UBE4B: variants seen among roughly 807,000 people sequenced by gnomAD.
UBE4B encodes ubiquitination factor E4B.
UBE4B carries 27 observed loss-of-function variants against 148.1 expected under a neutral mutation model. The observed-to-expected ratio is 0.18, with a 90% CI of 0.13 to 0.25. The LOEUF (loss-of-function observed/expected upper bound fraction) is 0.25, where lower values mean the gene tolerates loss of function less well. UBE4B is among the 10% of genes least tolerant of loss of function. The pLI is 1.00. For synonymous variants in UBE4B, 596 were observed against 619.3 expected, an observed-to-expected ratio of 0.96 and a Z score of 0.56; for missense variants, 1,170 against 1,662.4, an observed-to-expected ratio of 0.70 and a Z score of 5.15.
intron 3 of UBE4B, among the ~76,000 whole-genome samples, chr1:10,098,429 A>G (rs2101880213): frequency 6.6e-6 from 1 of 152,298 alleles, no homozygotes; most frequent in South Asian, 2.1e-4. Context: ...AAGTTCACCA[A>G]ATATTCCACA....
chr1:10,102,344 CCT>C (rs1244750716), intron 4 of UBE4B, among the ~76,000 whole-genome samples: 6 of 145,200 alleles, frequency 4.1e-5, no homozygotes, highest in Non-Finnish European at 7.5e-5. Context: ...ATATGTACAT[CCT>C]CTGTCACATA....
intron 1 of UBE4B, 91 bp from the exon 2 acceptor site, chr1:10,071,937 A>G: frequency 3.0e-6 from 4 of 1,332,408 alleles, no homozygotes; most frequent in Non-Finnish European, 4.0e-6. Flanking sequence ...GAGTTGTTAA[A>G]CTCTGGTTTG....
chr1:10,077,388 A>T (rs1182542422), intron 2 of UBE4B, among the ~76,000 whole-genome samples: 2 of 152,136 alleles, frequency 1.3e-5, no homozygotes, highest in Non-Finnish European at 2.9e-5. Flanking sequence ...ACCGTAATTG[A>T]GTATGAGCTT....
In UBE4B at chr1:10,157,523, T is replaced by C. The variant is rs143709546; in HGVS notation, c.2927-833T>C. 4.9e-3 allele frequency among the ~76,000 whole-genome samples: 745 copies of C among 151,826 alleles called. 9 individuals are homozygous for C. The highest frequency in any genetic ancestry group is 0.017 in the African/African-American group (695 of 41,442). On this transcript the variant is annotated intron_variant, in intron 21 of 27. Coordinates refer to ENST00000343090, the MANE Select transcript of UBE4B (RefSeq NM_001105562.3). Reference sequence around the variant, plus strand: ...AGTTGGGCACGGTGGCTCACACCTGTAATCCCAGCACTTTGGGAGGCCAAG... The same window carrying C: ...AGTTGGGCACGGTGGCTCACACCTGCAATCCCAGCACTTTGGGAGGCCAAG...
At chr1:10,129,483 G>T (rs773334687) in intron 12 of UBE4B, 35 bp downstream of exon 12, 198 of 1,597,382 alleles carry the variant, frequency 1.2e-4, no homozygotes, top group Non-Finnish European at 1.7e-4. Context: ...CACATTTTCA[G>T]TGAATATATC....
intron 22 of UBE4B, 147 bp from the exon 23 acceptor site, chr1:10,160,995 T>C (rs1646150774): frequency 1.3e-6 from 1 of 774,610 alleles, no homozygotes; most frequent in African/African-American, 1.8e-5. Flanking sequence ...GTCCTTGAAT[T>C]CCATAGTGCC....
At position 10,117,536 on chromosome 1, in the gene UBE4B, A is replaced by G. The variant is rs745887037; in HGVS notation, c.1274A>G (p.Asp425Gly). ...ACCATTGAAACCTGCAAAGAGACAG[A>G]TATGCTGAACTACCTCATCGAGTGT... Reference protein sequence around the residue: ...HFTIETCKETDMLNYLIECFD... With the variant: ...HFTIETCKETGMLNYLIECFD... The change falls in exon 8 of 28, where the codon GAT (aspartate) becomes GGT (glycine). Residue 425 changes from aspartate (D) to glycine (G), a missense_variant. Transcript: ENST00000343090. 2.5e-6 allele frequency: 4 copies of G among 1,612,676 alleles called. No individual in the cohort carries two copies. The highest frequency in any genetic ancestry group is 2.2e-5 in the East Asian group (1 of 44,854).
rs770277863 is a variant in UBE4B, at chr1:10,095,489, A to C, written c.240A>C (p.Glu80Asp). 16 of 1,614,152 alleles carry C rather than the reference A, an allele frequency of 9.9e-6. No homozygotes were observed. Among genetic ancestry groups the C allele is most frequent in the Non-Finnish European group, 1.2e-5 (14 of 1,180,032 alleles). Residue 80 changes from glutamate to aspartate, a missense_variant, in exon 3 of 28, where the codon GAA (glutamate) becomes GAC (aspartate). Glu to Asp is a conservative substitution (Grantham distance 45). Around this residue, in one of 6 missense-constraint regions of UBE4B, gnomAD observed 127 missense variants for 153.2 expected, o/e 0.83. Transcript: ENST00000343090. ...TAGCCCATCGAAGCCAGAGCAGTGA[A>C]GGAGTCAGTTCTCTCAGCAGCTCGC... ...SGVAHRSQSSEGVSSLSSSPS... is the reference protein window; with the variant it reads ...SGVAHRSQSSDGVSSLSSSPS...
chr1:10,101,222 C>T (rs1645005028), intron 4 of UBE4B, 27 bp downstream of exon 4: 2 of 1,605,418 alleles, frequency 1.2e-6, no homozygotes, highest in East Asian at 2.2e-5. Flanking sequence ...GCCCTTGGTA[C>T]AGGTAATAGA....
chr1:10,132,145 CTG>C (rs1225840952), intron 14 of UBE4B, among the ~76,000 whole-genome samples: 1 of 151,916 alleles, frequency 6.6e-6, no homozygotes, highest in Non-Finnish European at 1.5e-5. Context: ...AAACAAAAAA[CTG>C]TAACTGCCTA....
At chr1:10,038,406 G>GGA (rs1490550252) in intron 1 of UBE4B, among the ~76,000 whole-genome samples, 1 of 152,192 alleles carries the variant, frequency 6.6e-6, no homozygotes, top group African/African-American at 2.4e-5. Flanking sequence ...AACAGCCTTA[G>GGA]GAGCCTCTTC....
intron 26 of UBE4B, 62 bp downstream of exon 26, chr1:10,178,880 A>G (rs1228224817): frequency 6.6e-7 from 1 of 1,518,854 alleles, no homozygotes; most frequent in Non-Finnish European, 8.8e-7. Context: ...CGATAACATT[A>G]CAAGAGGACG....
chr1:10,153,141 C>A (rs1030842879), intron 21 of UBE4B, among the ~76,000 whole-genome samples: 1 of 151,958 alleles, frequency 6.6e-6, no homozygotes. Flanking sequence ...CTATTGGCAA[C>A]CCTAGAGAGG....
intron 17 of UBE4B, among the ~76,000 whole-genome samples, chr1:10,139,791 C>T (rs1645756978): frequency 6.6e-6 from 1 of 152,174 alleles, no homozygotes; most frequent in Admixed American, 6.5e-5. Flanking sequence ...TGCAATGGTG[C>T]AATCTTGGCT....
chr1:10,130,168 G>C (rs995697728), intron 12 of UBE4B, among the ~76,000 whole-genome samples: 2 of 152,156 alleles, frequency 1.3e-5, no homozygotes, highest in African/African-American at 4.8e-5. Context: ...CTGCCTCCTG[G>C]GTTCAAGCGA....
intron 1 of UBE4B, chr1:10,059,415 G>C (rs1644241952): frequency 4.8e-6 from 1 of 209,404 alleles, no homozygotes; most frequent in Non-Finnish European, 1.0e-5. Context: ...TAATTCCCCA[G>C]ATCCAGGAGG....
chr1:10,086,614 G>A (rs1232148580), intron 2 of UBE4B, among the ~76,000 whole-genome samples: 2 of 152,166 alleles, frequency 1.3e-5, no homozygotes, highest in Non-Finnish European at 2.9e-5. Context: ...TGGATCCATA[G>A]GAATTACACT....
chr1:10,106,557 C>T lies in UBE4B; in HGVS notation c.1170C>T (p.Arg390=). 1 of 1,582,756 alleles carries T rather than the reference C, an allele frequency of 6.3e-7. No homozygotes were observed. Among genetic ancestry groups the T allele is most frequent in the Non-Finnish European group, 8.5e-7 (1 of 1,169,682 alleles). The change falls in exon 7 of 28, where the codon CGC becomes CGT. Residue 390 remains arginine, a synonymous_variant. Transcript: ENST00000343090. The surrounding 1 kb of genome is among the most constrained non-coding windows in gnomAD (Gnocchi z 4.2). ...CCTCACCCAGTGCCACGAGCAGACG[C>T]CCCTCCTCCCTGAGGATCTCTCCTA... ...PPASPSATSR[R]PSSLRISPSL...
At chr1:10,068,686 A>G (rs1644432491) in intron 1 of UBE4B, among the ~76,000 whole-genome samples, 1 of 147,840 alleles carries the variant, frequency 6.8e-6, no homozygotes, top group African/African-American at 2.5e-5. Flanking sequence ...GTGTTTCTCC[A>G]TGTTGCCCAG....
Sources: gnomAD v4.1 joint callset for allele counts (sites outside exome capture counted in the v4.1 genomes callset) on GRCh38, gnomAD v4.1.1 for gene constraint, gnomAD v4.1.1 regional missense constraint, Gnocchi (gnomAD v3.1) non-coding constraint, MANE v1.5 for transcripts, NCBI Gene and HGNC (gene_info 2026-07-23, HGNC 2026-07-21) for gene names.